Variants in ZNF350 observed in about 807,000 individuals in gnomAD.
ZNF350 encodes zinc finger protein 350.
In ZNF350, 5 loss-of-function variants were observed where a neutral mutation model predicts 13.1. That is an observed-to-expected ratio of 0.38 (90% CI 0.20 to 0.80). The LOEUF (loss-of-function observed/expected upper bound fraction) is 0.80, where lower values mean the gene tolerates loss of function less well. Ranked by LOEUF, ZNF350 falls within the 30% of genes least tolerant of loss-of-function variation. The pLI is 0.43. For synonymous variants in ZNF350, 199 were observed against 224.2 expected (o/e 0.89, Z 1.00); for missense variants, 534 against 644.2 (o/e 0.83, Z 1.85).
At chr19:51,968,015 A>G (rs921974496) in intron 4 of ZNF350, among the ~76,000 whole-genome samples, 3 of 149,984 alleles carry the variant, frequency 2.0e-5, no homozygotes, top group African/African-American at 7.6e-5. Flanking sequence ...GAATGAAGGC[A>G]ATTTTGAAGA....
chr19:51,977,174 T>C (rs1169438042), intron 1 of ZNF350, among the ~76,000 whole-genome samples: 3 of 152,176 alleles, frequency 2.0e-5, no homozygotes, highest in African/African-American at 7.2e-5. Context: ...GCTTTTCCTA[T>C]TTCCATCAGG....
rs1007758169 is a variant in ZNF350 at position 51,975,255 on chromosome 19, C to T, written c.-171-724G>A. 5.9e-5 allele frequency among the ~76,000 whole-genome samples: 9 copies of T among 151,932 alleles called. No homozygotes were observed. In the South Asian group the frequency reaches 1.0e-3, roughly 18 times the overall value. ...ATGCCGAGGCGGGTGGATCACCTGA[C>T]ATCAGGAGTCCGAGACCGGCCTAGC... is the stretch of plus-strand genomic sequence containing the variant. On this transcript the variant is annotated intron_variant, in intron 1 of 4. Coordinates refer to ENST00000243644, the MANE Select transcript of ZNF350 (RefSeq NM_021632.4).
At chr19:51,975,462 G>C (rs919289820) in intron 1 of ZNF350, among the ~76,000 whole-genome samples, 4 of 130,870 alleles carry the variant, frequency 3.1e-5, no homozygotes, top group African/African-American at 1.2e-4. Flanking sequence ...ACTAGTAATT[G>C]TTTTAAAGTA....
chr19:51,970,396 A>T (rs1369404413), intron 2 of ZNF350, among the ~76,000 whole-genome samples: 2 of 152,106 alleles, frequency 1.3e-5, no homozygotes, highest in Admixed American at 6.6e-5. Flanking sequence ...GATTACTTAT[A>T]ATATCTAATA....
chr19:51,971,048 G>C (rs1018247558), intron 2 of ZNF350, among the ~76,000 whole-genome samples: 3 of 152,222 alleles, frequency 2.0e-5, no homozygotes, highest in South Asian at 2.1e-4. Context: ...CCCTGTAATA[G>C]TGACAATTAA....
intron 1 of ZNF350, among the ~76,000 whole-genome samples, chr19:51,975,478 G>C (rs187355289): frequency 2.6e-4 from 37 of 139,906 alleles, no homozygotes; most frequent in African/African-American, 9.9e-4. Flanking sequence ...AAGTACGTAA[G>C]TTCCATGCCA....
At chr19:51,982,692 G>C (rs116738600) in intron 1 of ZNF350, among the ~76,000 whole-genome samples, 1 of 151,732 alleles carries the variant, frequency 6.6e-6, no homozygotes, top group African/African-American at 2.4e-5. Flanking sequence ...TTTTTTTAAA[G>C]TTTGAAAAAA....
intron 4 of ZNF350, among the ~76,000 whole-genome samples, chr19:51,966,670 C>T (rs1341536932): frequency 3.5e-5 from 5 of 144,616 alleles, no homozygotes; most frequent in African/African-American, 5.2e-5. Flanking sequence ...TTTTTGGGGA[C>T]GGAGTCTCAC....
chr19:51,971,086 CTT>C (rs1292633547), intron 2 of ZNF350, among the ~76,000 whole-genome samples: 1 of 152,164 alleles, frequency 6.6e-6, no homozygotes, highest in Admixed American at 6.5e-5. Flanking sequence ...TTGTCAATCT[CTT>C]GTCTCAGGAT....
chr19:51,980,587 AG>A (rs1402040613), intron 1 of ZNF350, among the ~76,000 whole-genome samples: 13 of 152,230 alleles, frequency 8.5e-5, no homozygotes, highest in Admixed American at 8.5e-4. Context: ...ACAGGTACAA[AG>A]CTTGCAGTTG....
Position 51,976,555 on chromosome 19 carries a change from T to G in ZNF350, c.-171-2024A>C, listed in dbSNP as rs1246969475. On this transcript the variant is annotated intron_variant, in intron 1 of 4. Transcript: ENST00000243644. This position sits in a 1 kb window ranked among gnomAD's most constrained non-coding sequence, Gnocchi z 4.5. ...GCGAAAGGGGACCCTGGGAAGAGTC[T>G]GCCGGCAGCAGATATAAGGTCAGTG... 6.6e-6 allele frequency: 1 copy of G among 152,280 alleles called. No homozygotes were observed. Among genetic ancestry groups the G allele is most frequent in the Non-Finnish European group, 1.5e-5 (1 of 68,092 alleles). 9.4% of individuals were successfully genotyped at this position (152,280 alleles called of 1,614,324 possible).
chr19:51,984,200 A>T (rs77344349), intron 1 of ZNF350: 1 of 150,204 alleles, frequency 6.7e-6, no homozygotes, highest in African/African-American at 2.4e-5. Context: ...AAAAAAAAAA[A>T]ATCAATAAAT....
chr19:51,966,264 T>G lies in ZNF350; in HGVS notation c.239-50A>C, dbSNP rs751021899. 25 of 1,505,850 alleles carry G rather than the reference T, an allele frequency of 1.7e-5. No individual in the cohort carries two copies. In the Admixed American group the frequency reaches 2.2e-4, roughly 13 times the overall value. 93.3% of individuals were successfully genotyped at this position (1,505,850 alleles called of 1,614,324 possible). On this transcript the variant is annotated intron_variant, in intron 4 of 4. Transcript: ENST00000243644. ...CTATCATTTAGATTTGGGGTAAAAGTTTGTTGTGGTTTTTTTGTTTTTTTT... is the reference window on the plus strand; with the variant it reads ...CTATCATTTAGATTTGGGGTAAAAGGTTGTTGTGGTTTTTTTGTTTTTTTT...
intron 1 of ZNF350, among the ~76,000 whole-genome samples, chr19:51,978,099 C>G (rs1336106222): frequency 6.6e-6 from 1 of 152,174 alleles, no homozygotes; most frequent in Non-Finnish European, 1.5e-5. Flanking sequence ...AAAATTTCAT[C>G]AGAATGGCAC....
intron 1 of ZNF350, among the ~76,000 whole-genome samples, chr19:51,985,349 T>G (rs1348105862): frequency 6.6e-6 from 1 of 152,116 alleles, no homozygotes; most frequent in Non-Finnish European, 1.5e-5. Context: ...AAGATAAGAA[T>G]GAATTATAAG....
chr19:51,965,260 C>T lies in ZNF350; in HGVS notation c.1193G>A (p.Gly398Glu). Residue 398 changes from glycine (G) to glutamate (E), a missense_variant, in exon 5 of 5, where the codon GGA becomes GAA. Gly to Glu is a moderately conservative substitution (Grantham distance 98). Transcript: ENST00000243644. Reference sequence around the variant, plus strand: ...CTCGTTACAGCCATAGGGTCTCTCTCCTGTATGAGTCCTTTGATGGACAAT... The same window carrying T: ...CTCGTTACAGCCATAGGGTCTCTCTTCTGTATGAGTCCTTTGATGGACAAT... ...KLIVHQRTHT[G>E]ERPYGCNECG... The T allele has an allele frequency of 1.2e-6, 2 of 1,614,226 alleles. No homozygotes were observed. Among genetic ancestry groups the T allele is most frequent in the Non-Finnish European group, 1.7e-6 (2 of 1,180,036 alleles).
rs142789660 is a variant in ZNF350, at chr19:51,965,078, C to T, written c.1375G>A (p.Gly459Arg). The T allele has an allele frequency of 5.4e-5, 87 of 1,614,116 alleles. No individual in the cohort carries two copies. Among genetic ancestry groups the T allele is most frequent in the Admixed American group, 4.3e-4 (26 of 60,018 alleles). The change falls in exon 5 of 5, where the codon GGG becomes AGG. Residue 459 changes from glycine to arginine, a missense_variant. Coordinates refer to ENST00000243644, the MANE Select transcript of ZNF350 (RefSeq NM_021632.4). ...ACAGAAGGCACTTGTGTAGTCGCCC[C>T]GTTAGCAGAGTTTTTCTCCTGCATG... ...DVMQEKNSAN[G>R]ATTQVPSVAP...
Position 51,965,686 on chromosome 19 carries a change from TGAGTTCGC to T in ZNF350, c.759_766del (p.Arg254TyrfsTer7), listed in dbSNP as rs1437218502. 1 of 1,614,102 alleles carries T rather than the reference TGAGTTCGC, an allele frequency of 6.2e-7. No homozygotes were observed. Among genetic ancestry groups the T allele is most frequent in the African/African-American group, 1.3e-5 (1 of 74,942 alleles). On this transcript the variant is annotated frameshift_variant, in exon 5 of 5. Transcript: ENST00000243644. LOFTEE classifies it low-confidence loss of function (END_TRUNC). Reference sequence around the variant, plus strand: ...GCATTCATAAGGTTTTTCTCCTGTATGAGTTCGCTGATGTTCAGTAAGCATGAACTTTC... The same window carrying T: ...GCATTCATAAGGTTTTTCTCCTGTATTGATGTTCAGTAAGCATGAACTTTC...
chr19:51,978,901 G>A (rs2085963836), intron 1 of ZNF350, among the ~76,000 whole-genome samples: 1 of 152,174 alleles, frequency 6.6e-6, no homozygotes, highest in Admixed American at 6.5e-5. Flanking sequence ...GAAATCCCCA[G>A]AAGGACAACA....
Sources: allele counts gnomAD v4.1 joint callset (sites outside exome capture counted in the v4.1 genomes callset), GRCh38; gene constraint gnomAD v4.1.1; non-coding constraint Gnocchi (gnomAD v3.1); transcripts MANE v1.5; gene names NCBI Gene and HGNC (gene_info 2026-07-23, HGNC 2026-07-21).